The following MAP4K4 variants were observed in gnomAD, a reference collection of about 807,000 sequenced individuals.
The protein encoded by MAP4K4 is HPK/GCK-like kinase HGK.
In MAP4K4, 38 loss-of-function variants were observed where a neutral mutation model predicts 189.6. The observed-to-expected ratio is 0.20, with a 90% CI of 0.15 to 0.26. MAP4K4 has a LOEUF of 0.26. MAP4K4 is among the 10% of genes least tolerant of loss of function. The pLI is 1.00. For synonymous variants in MAP4K4, 610 were observed against 624.3 expected (o/e 0.98, Z 0.34); for missense variants, 1,054 against 1,726.9 (o/e 0.61, Z 6.91).
At chr2:101,840,101 G>T (rs1450643121) in intron 10 of MAP4K4, 107 bp downstream of exon 10, 3 of 1,068,704 alleles carry the variant, frequency 2.8e-6, no homozygotes, top group Non-Finnish European at 3.9e-6. Flanking sequence ...CACTTGGCCA[G>T]TGCTTGCATG....
intron 2 of MAP4K4, among the ~76,000 whole-genome samples, chr2:101,735,537 AGAATACTCT>A: frequency 1.3e-5 from 2 of 152,304 alleles, no homozygotes; most frequent in East Asian, 3.9e-4. Context: ...AACACCTCCC[AGAATACTCT>A]AAGTCACTCT....
intron 2 of MAP4K4, among the ~76,000 whole-genome samples, chr2:101,709,090 A>T (rs1003088395): frequency 2.6e-5 from 4 of 152,172 alleles, no homozygotes; most frequent in Non-Finnish European, 5.9e-5. Flanking sequence ...GTGTAACCAA[A>T]CACTTGGTTC....
At chr2:101,797,327 C>T in intron 3 of MAP4K4, 2 of 1,290,840 alleles carry the variant, frequency 1.5e-6, no homozygotes, top group Non-Finnish European at 1.0e-6. Flanking sequence ...GGCACTTTCT[C>T]CCTGTGCTTT....
chr2:101,836,847 TC>T (rs1485809384), intron 9 of MAP4K4, among the ~76,000 whole-genome samples: 11 of 152,140 alleles, frequency 7.2e-5, no homozygotes, highest in African/African-American at 1.2e-4. Flanking sequence ...AGGATGACTT[TC>T]CCTGAGAAAA....
intron 2 of MAP4K4, among the ~76,000 whole-genome samples, chr2:101,712,150 G>T (rs2045954069): frequency 6.6e-6 from 1 of 151,224 alleles, no homozygotes; most frequent in Non-Finnish European, 1.5e-5. Context: ...CTACCCACTT[G>T]GCCTTATAGT....
At chr2:101,868,091 C>T in intron 21 of MAP4K4, 54 bp downstream of exon 21, 5 of 1,598,774 alleles carry the variant, frequency 3.1e-6, no homozygotes, top group Non-Finnish European at 4.3e-6. Flanking sequence ...GACCGCCTGT[C>T]AGCTCAGCTT....
chr2:101,813,406 G>A (rs56315833), intron 3 of MAP4K4, among the ~76,000 whole-genome samples: 37,062 of 152,090 alleles, frequency 0.24, 5,439 homozygotes, highest in Non-Finnish European at 0.31. Flanking sequence ...AGTGCCCTTG[G>A]TGGTCACTCT....
At chr2:101,830,977 A>G (rs1213606755) in intron 6 of MAP4K4, among the ~76,000 whole-genome samples, 1 of 152,118 alleles carries the variant, frequency 6.6e-6, no homozygotes, top group Non-Finnish European at 1.5e-5. Flanking sequence ...TCATCTCAGC[A>G]TTTCGTAGGC....
chr2:101,698,323 A>T (rs558140950), intron 1 of MAP4K4, 150 bp from the exon 2 acceptor site: 18 of 785,072 alleles, frequency 2.3e-5, no homozygotes, highest in South Asian at 1.7e-4. Flanking sequence ...CCACGCCCCG[A>T]GCCCGCCGCG....
Position 101,807,888 on chromosome 2 carries a change from G to A in MAP4K4, c.181-16040G>A, listed in dbSNP as rs143906205. On this transcript the variant is annotated intron_variant, in intron 3 of 32. Transcript: ENST00000324219. ...AGAACTTCCTCACTGTCGCAAGGGC[G>A]GTATCAAGAGAGGTGGTGCTAAACC... 1.1e-3 allele frequency among the ~76,000 whole-genome samples: 163 copies of A among 152,306 alleles called. 2 individuals are homozygous for A. Among genetic ancestry groups the A allele is most frequent in the African/African-American group, 3.6e-3 (151 of 41,560 alleles).
intron 2 of MAP4K4, among the ~76,000 whole-genome samples, chr2:101,785,683 T>TTTTCCTTTTTTGAGTTGGAGTCTTG (rs1558913142): frequency 0.25 from 420 of 1,712 alleles, 13 homozygotes; most frequent in African/African-American, 0.3. Context: ...TCTCCCTCTC[T>TTTTCCTTTTTTGAGTTGGAGTCTTG]CTCTCTCTCT....
chr2:101,822,373 T>C (rs1258486027), intron 3 of MAP4K4, among the ~76,000 whole-genome samples: 1 of 152,226 alleles, frequency 6.6e-6, no homozygotes, highest in East Asian at 1.9e-4. Context: ...ACTAAAACGT[T>C]ATGTAGTGCA....
rs558543882 is a variant in MAP4K4, at chr2:101,732,319, T to C, written c.123+33781T>C. Among the ~76,000 whole-genome samples the C allele has an allele frequency of 2.0e-5, 3 of 152,248 alleles. No individual in the cohort carries two copies. In the South Asian group the frequency reaches 6.2e-4, roughly 32 times the overall value. On this transcript the variant is annotated intron_variant, in intron 2 of 32. Transcript: ENST00000324219. ...GGAGTGTAATCAAGATGGGCTTGTG[T>C]GGGGTGGGGCCAAAGGGAGAATGGC...
At chr2:101,757,235 T>C (rs1031332571) in intron 2 of MAP4K4, among the ~76,000 whole-genome samples, 1 of 152,234 alleles carries the variant, frequency 6.6e-6, no homozygotes, top group African/African-American at 2.4e-5. Context: ...CAGATGCTTT[T>C]TGGAATAATG....
chr2:101,727,628 T>C (rs10192658), intron 2 of MAP4K4, among the ~76,000 whole-genome samples: 15,037 of 152,266 alleles, frequency 0.099, 1,234 homozygotes, highest in African/African-American at 0.23. Flanking sequence ...GGCAATTGCC[T>C]CTTTATTTGG....
intron 3 of MAP4K4, among the ~76,000 whole-genome samples, chr2:101,793,685 G>A (rs2093311904): frequency 6.6e-6 from 1 of 151,756 alleles, no homozygotes; most frequent in African/African-American, 2.4e-5. Flanking sequence ...GAAAGTGAGA[G>A]GCAGTTACCA....
chr2:101,758,179 T>C (rs1023614787), intron 2 of MAP4K4, among the ~76,000 whole-genome samples: 11 of 152,172 alleles, frequency 7.2e-5, no homozygotes, highest in African/African-American at 2.4e-4. Context: ...GTAATGGGGG[T>C]ACTACTGTTG....
Position 101,724,767 on chromosome 2 carries a change from G to A in MAP4K4, c.123+26229G>A, listed in dbSNP as rs551476179. 1.3e-3 allele frequency among the ~76,000 whole-genome samples: 193 copies of A among 152,240 alleles called. 1 individual carries two copies. Among genetic ancestry groups the A allele is most frequent in the African/African-American group, 4.6e-3 (189 of 41,526 alleles). ...ACTCCTACATAGCTCTATGGATGAG[G>A]CCCAGAAATCTGTATTTTTTTAAAG... On this transcript the variant is annotated intron_variant, in intron 2 of 32. Coordinates refer to ENST00000324219, the Ensembl canonical transcript of MAP4K4.
intron 2 of MAP4K4, among the ~76,000 whole-genome samples, chr2:101,722,262 C>T (rs763439874): frequency 6.6e-6 from 1 of 152,204 alleles, no homozygotes; most frequent in Non-Finnish European, 1.5e-5. Flanking sequence ...TTCGTAACCT[C>T]ATGGATTATT....
Sources: allele counts gnomAD v4.1 joint callset (sites outside exome capture counted in the v4.1 genomes callset), GRCh38; gene constraint gnomAD v4.1.1; transcripts MANE v1.5; gene names NCBI Gene and HGNC (gene_info 2026-07-23, HGNC 2026-07-21).